SNX10: variants seen among roughly 807,000 people sequenced by gnomAD.
The protein encoded by SNX10 is sorting nexin 10, also known as sorting nexin-10.
SNX10 carries 25 observed loss-of-function variants against 28.5 expected under a neutral mutation model. The ratio of observed to expected loss-of-function variants is 0.88; its 90% CI spans 0.64 to 1.22. The LOEUF (loss-of-function observed/expected upper bound fraction) is 1.22. Among genes scored for constraint, SNX10 ranks in the 50% most tolerant of loss-of-function variants. SNX10 has a pLI of 0.00. For synonymous variants in SNX10, 62 were observed against 81.4 expected (o/e 0.76, Z 1.28); for missense variants, 223 against 242.6 (o/e 0.92, Z 0.54).
chr7:26,348,424 A>G (rs1337283062), intron 2 of SNX10, among the ~76,000 whole-genome samples: 2 of 152,258 alleles, frequency 1.3e-5, no homozygotes, highest in African/African-American at 4.8e-5. Context: ...AAAAACTCAC[A>G]GAACTCAGAG....
In SNX10 at chr7:26,364,099, G is replaced by C. The variant is rs1490119448; in HGVS notation, c.112-436G>C. 2.6e-5 allele frequency among the ~76,000 whole-genome samples: 4 copies of C among 152,262 alleles called. No homozygotes were observed. In the South Asian group the frequency reaches 6.2e-4, roughly 24 times the overall value. ...CCATGTCAAGGAGATGAAGATTTCTGCAATGTCTCATAAAGGGTCATGAGG... is the reference window on the plus strand; with the variant it reads ...CCATGTCAAGGAGATGAAGATTTCTCCAATGTCTCATAAAGGGTCATGAGG... On this transcript the variant is annotated intron_variant, in intron 3 of 6. Transcript: ENST00000338523. This position sits in a 1 kb window ranked among gnomAD's most constrained non-coding sequence, Gnocchi z 4.9.
At position 26,371,926 on chromosome 7, in the gene SNX10, G is replaced by A. The variant is rs548159835; in HGVS notation, c.417G>A (p.Lys139=). ...DIEACVSGQT[K]YSVEEAIHKF... The stretch of plus-strand genomic sequence containing the variant: ...AGGCGTGTGTTTCTGGGCAGACTAA[G>A]TACTCTGTGGAAGAAGCAATTCACA... Residue 139 remains lysine (K), a synonymous_variant, in exon 6 of 7, where the codon AAG becomes AAA. Coordinates refer to ENST00000338523, the MANE Select transcript of SNX10 (RefSeq NM_013322.3). The A allele has an allele frequency of 6.2e-7, 1 of 1,613,566 alleles. No individual in the cohort carries two copies. Among genetic ancestry groups the A allele is most frequent in the African/African-American group, 1.3e-5 (1 of 74,970 alleles).
chr7:26,316,879 G>A (rs1787114964), intron 1 of SNX10, among the ~76,000 whole-genome samples: 1 of 152,144 alleles, frequency 6.6e-6, no homozygotes, highest in South Asian at 2.1e-4. Context: ...AAAACTCCAA[G>A]CAATTGGAGT....
intron 2 of SNX10, among the ~76,000 whole-genome samples, chr7:26,348,068 C>G (rs920852615): frequency 3.9e-5 from 6 of 152,162 alleles, no homozygotes; most frequent in African/African-American, 1.4e-4. Context: ...ACATGAGCCA[C>G]TGATCATGGC....
intron 1 of SNX10, among the ~76,000 whole-genome samples, chr7:26,334,283 T>C (rs1408133294): frequency 2.0e-5 from 3 of 152,216 alleles, no homozygotes; most frequent in Admixed American, 2.0e-4. Context: ...GGGATATCCA[T>C]CACCTCAAGC....
At chr7:26,303,566 C>T (rs1786461204) in intron 1 of SNX10, among the ~76,000 whole-genome samples, 1 of 152,172 alleles carries the variant, frequency 6.6e-6, no homozygotes, top group African/African-American at 2.4e-5. Flanking sequence ...CTCATCTGGC[C>T]ACTCTGCTCC....
At chr7:26,325,166 C>CT (rs1477277011) in intron 1 of SNX10, among the ~76,000 whole-genome samples, 1 of 151,222 alleles carries the variant, frequency 6.6e-6, no homozygotes. Flanking sequence ...GATTAGGATC[C>CT]TAGTACGTTC....
chr7:26,307,499 G>A lies in SNX10; in HGVS notation c.-24+15413G>A, dbSNP rs529435133. Among the ~76,000 whole-genome samples, 487 of 152,280 alleles carry A rather than the reference G, an allele frequency of 3.2e-3. 2 individuals carry two copies. The highest frequency in any genetic ancestry group is 0.011 in the African/African-American group (466 of 41,574). ...ATCTCACTCTGTCACCCAGACTGGAGTGTAGTGGCACGATCTCAGCTCGCT... is the reference window on the plus strand; with the variant it reads ...ATCTCACTCTGTCACCCAGACTGGAATGTAGTGGCACGATCTCAGCTCGCT... On this transcript the variant is annotated intron_variant, in intron 1 of 6. Coordinates refer to ENST00000338523, the MANE Select transcript of SNX10 (RefSeq NM_013322.3).
chr7:26,317,035 A>G (rs914285551), intron 1 of SNX10, among the ~76,000 whole-genome samples: 4 of 152,208 alleles, frequency 2.6e-5, no homozygotes, highest in African/African-American at 9.6e-5. Context: ...GAGGCCGGAG[A>G]TGCTAAATAA....
intron 1 of SNX10, among the ~76,000 whole-genome samples, chr7:26,337,851 G>A (rs1787996202): frequency 6.6e-6 from 1 of 152,154 alleles, no homozygotes; most frequent in Non-Finnish European, 1.5e-5. Context: ...CCTGGATCAT[G>A]TGGTAGTTTT....
chr7:26,358,914 T>A (rs982051984), intron 2 of SNX10, among the ~76,000 whole-genome samples: 16 of 149,834 alleles, frequency 1.1e-4, no homozygotes, highest in African/African-American at 3.9e-4. Flanking sequence ...CCAGCAATTT[T>A]CCTGCCTCAG....
chr7:26,368,191 T>G (rs1483665347), intron 5 of SNX10, among the ~76,000 whole-genome samples: 4 of 152,206 alleles, frequency 2.6e-5, no homozygotes, highest in African/African-American at 7.2e-5. Flanking sequence ...AGTTGGGTAT[T>G]ATCTCAGTTT....
chr7:26,292,519 G>A (rs1785964677), intron 1 of SNX10, among the ~76,000 whole-genome samples: 1 of 152,044 alleles, frequency 6.6e-6, no homozygotes, highest in African/African-American at 2.4e-5. Context: ...AATTGGGAGG[G>A]GTAGGCAGGT....
rs1469459957 is a variant in SNX10, at chr7:26,368,489, TTTTAGGTTTGAATGGGATTTTCAA to T, written c.312-3318_312-3295del. Among the ~76,000 whole-genome samples the T allele has an allele frequency of 4.6e-5, 7 of 152,260 alleles. No individual in the cohort carries two copies. The East Asian group carries it at 1.3e-3, about 29-fold the overall frequency. On this transcript the variant is annotated intron_variant, in intron 5 of 6. Transcript: ENST00000338523. Reference sequence around the variant, plus strand: ...TATGAAAAATGGAATTCCTACTAATTTTTAGGTTTGAATGGGATTTTCAATTTAGGTTTGAATAGATTTGTTCAT... The same window carrying T: ...TATGAAAAATGGAATTCCTACTAATTTTTAGGTTTGAATAGATTTGTTCAT...
intron 1 of SNX10, among the ~76,000 whole-genome samples, chr7:26,338,551 G>A (rs1413011186): frequency 1.3e-5 from 2 of 152,052 alleles, no homozygotes; most frequent in African/African-American, 2.4e-5. Context: ...ACAGGCGCCC[G>A]CCACCACACC....
chr7:26,317,544 C>T (rs914646224), intron 1 of SNX10, among the ~76,000 whole-genome samples: 1 of 151,808 alleles, frequency 6.6e-6, no homozygotes, highest in Non-Finnish European at 1.5e-5. Context: ...TTAGAAGAGA[C>T]ACTTATTTAA....
chr7:26,349,383 A>G (rs1788509235), intron 2 of SNX10, among the ~76,000 whole-genome samples: 1 of 151,684 alleles, frequency 6.6e-6, no homozygotes, highest in Non-Finnish European at 1.5e-5. Flanking sequence ...GAGGAATCAA[A>G]TGTAGTCTCT....
chr7:26,371,549 A>T (rs983676312), intron 5 of SNX10, among the ~76,000 whole-genome samples: 5 of 152,130 alleles, frequency 3.3e-5, no homozygotes, highest in African/African-American at 1.2e-4. Context: ...GTAATAAGAG[A>T]TGGGTAAATT....
At chr7:26,331,259 C>T (rs891098340) in intron 1 of SNX10, among the ~76,000 whole-genome samples, 1 of 152,018 alleles carries the variant, frequency 6.6e-6, no homozygotes, top group African/African-American at 2.4e-5. Context: ...TTTATTGATA[C>T]ATGATCCACA....
Sources: allele counts gnomAD v4.1 joint callset (sites outside exome capture counted in the v4.1 genomes callset), GRCh38; gene constraint gnomAD v4.1.1; non-coding constraint Gnocchi (gnomAD v3.1); transcripts MANE v1.5; gene names NCBI Gene and HGNC (gene_info 2026-07-23, HGNC 2026-07-21).